Variants in FAF1 observed in about 807,000 individuals in gnomAD.
FAF1 encodes the protein FAS-associated factor 1.
Under a neutral mutation model 92.5 loss-of-function variants are expected in FAF1, and 25 were observed. That is an observed-to-expected ratio of 0.27 (90% CI 0.20 to 0.38). The LOEUF is 0.38. Ranked by LOEUF, FAF1 falls within the 10% of genes least tolerant of loss-of-function variation. The pLI is 1.00. For missense variants in FAF1, 636 were observed against 793.3 expected, an observed-to-expected ratio of 0.80 and a Z score of 2.38; for synonymous variants, 234 against 273.2, an observed-to-expected ratio of 0.86 and a Z score of 1.42.
intron 2 of FAF1, among the ~76,000 whole-genome samples, chr1:50,820,813 G>C (rs1222755018): frequency 6.6e-6 from 1 of 151,830 alleles, no homozygotes; most frequent in Non-Finnish European, 1.5e-5. Flanking sequence ...TTTTGTATTT[G>C]GCAGGATTTC....
chr1:50,523,817 T>C lies in FAF1; in HGVS notation c.1494+11552A>G, dbSNP rs533257473. Among the ~76,000 whole-genome samples, 268 of 152,316 alleles carry C rather than the reference T, an allele frequency of 1.8e-3. 2 individuals are homozygous for C. Among genetic ancestry groups the C allele is most frequent in the African/African-American group, 6.0e-3 (250 of 41,568 alleles). On this transcript the variant is annotated intron_variant, in intron 15 of 18. Transcript: ENST00000396153. ...TTGATGGGCATTTAGGTTGATTCCATGTCTTTGCTATTGTGAACAGTGTTG... is the reference window on the plus strand; with the variant it reads ...TTGATGGGCATTTAGGTTGATTCCACGTCTTTGCTATTGTGAACAGTGTTG...
intron 9 of FAF1, among the ~76,000 whole-genome samples, chr1:50,588,230 T>TA (rs1651335331): frequency 6.6e-6 from 1 of 152,222 alleles, no homozygotes; most frequent in Non-Finnish European, 1.5e-5. Flanking sequence ...GAAGTTGCAG[T>TA]ACGTGCCACT....
chr1:50,590,316 A>G (rs967217103), intron 9 of FAF1, among the ~76,000 whole-genome samples: 1 of 152,060 alleles, frequency 6.6e-6, no homozygotes, highest in African/African-American at 2.4e-5. Context: ...ATCTTCTTTA[A>G]TTTTTCAGCA....
chr1:50,477,911 C>A (rs899887804), intron 17 of FAF1, among the ~76,000 whole-genome samples: 1 of 152,170 alleles, frequency 6.6e-6, no homozygotes, highest in Non-Finnish European at 1.5e-5. Context: ...ATTGTAGGCA[C>A]GTACTAGGTG....
At chr1:50,687,369 A>C (rs1237637395) in intron 7 of FAF1, among the ~76,000 whole-genome samples, 3 of 151,970 alleles carry the variant, frequency 2.0e-5, no homozygotes, top group Admixed American at 2.0e-4. Flanking sequence ...AAAAAAAAAA[A>C]AAAACCCAAC....
intron 17 of FAF1, among the ~76,000 whole-genome samples, chr1:50,476,343 C>A (rs1349275331): frequency 6.6e-6 from 1 of 152,110 alleles, no homozygotes; most frequent in Non-Finnish European, 1.5e-5. Flanking sequence ...AGAAGGAGAC[C>A]ACAGTCCTAG....
chr1:50,607,604 G>A (rs1302968835), intron 8 of FAF1, among the ~76,000 whole-genome samples: 1 of 152,034 alleles, frequency 6.6e-6, no homozygotes, highest in Non-Finnish European at 1.5e-5. Context: ...TTTTCCATCT[G>A]TCTATTTCTT....
At chr1:50,750,051 A>T (rs1285500603) in intron 4 of FAF1, among the ~76,000 whole-genome samples, 1 of 152,122 alleles carries the variant, frequency 6.6e-6, no homozygotes, top group Non-Finnish European at 1.5e-5. Flanking sequence ...AAAACACAGG[A>T]GTTACTGTTT....
intron 3 of FAF1, among the ~76,000 whole-genome samples, chr1:50,793,872 AAGTCT>A (rs2124581717): frequency 6.6e-6 from 1 of 152,342 alleles, no homozygotes; most frequent in East Asian, 1.9e-4. Flanking sequence ...CCTAATCCAT[AAGTCT>A]GAAATCTGAA....
At chr1:50,787,626 T>C (rs1429109159) in intron 4 of FAF1, among the ~76,000 whole-genome samples, 12 of 152,210 alleles carry the variant, frequency 7.9e-5, no homozygotes, top group Admixed American at 7.9e-4. Flanking sequence ...GTCTCAGGTA[T>C]TGTTATAGCA....
At chr1:50,518,945 C>T (rs1335637154) in intron 15 of FAF1, among the ~76,000 whole-genome samples, 1 of 152,090 alleles carries the variant, frequency 6.6e-6, no homozygotes, top group African/African-American at 2.4e-5. Flanking sequence ...CAAAGCTGTG[C>T]AAAGCTGTGA....
At chr1:50,474,044 GAGT>G (rs1301768416) in intron 18 of FAF1, among the ~76,000 whole-genome samples, 1 of 152,178 alleles carries the variant, frequency 6.6e-6, no homozygotes. Context: ...TTACTGAAAA[GAGT>G]AGTATTTGGT....
At chr1:50,738,443 CAAAAAA>C (rs533056212) in intron 6 of FAF1, among the ~76,000 whole-genome samples, 1 of 79,078 alleles carries the variant, frequency 1.3e-5, no homozygotes, top group East Asian at 5.4e-4. Context: ...AACTCCGTCG[CAAAAAA>C]AAAAAAAAAA....
At chr1:50,452,452 T>C (rs1347284515) in intron 18 of FAF1, among the ~76,000 whole-genome samples, 1 of 152,214 alleles carries the variant, frequency 6.6e-6, no homozygotes, top group Non-Finnish European at 1.5e-5. Context: ...AGCAGCCTAG[T>C]ATGGTTCTCC....
chr1:50,938,970 C>T (rs754177634), intron 1 of FAF1, among the ~76,000 whole-genome samples: 5 of 152,152 alleles, frequency 3.3e-5, no homozygotes, highest in African/African-American at 4.8e-5. Flanking sequence ...TCTCTATAGC[C>T]TTATAGTATA....
intron 17 of FAF1, among the ~76,000 whole-genome samples, chr1:50,477,956 C>T (rs1170406156): frequency 6.6e-6 from 1 of 152,176 alleles, no homozygotes; most frequent in Non-Finnish European, 1.5e-5. Flanking sequence ...AATCTCATAG[C>T]CTCTACTTCT....
intron 4 of FAF1, among the ~76,000 whole-genome samples, chr1:50,769,045 TA>T (rs141978084): frequency 4.1e-5 from 6 of 144,642 alleles, no homozygotes; most frequent in African/African-American, 5.1e-5. Flanking sequence ...TAAGTAGACT[TA>T]AAAAAAAAAC....
intron 7 of FAF1, among the ~76,000 whole-genome samples, chr1:50,704,066 T>C (rs545929587): frequency 4.6e-5 from 7 of 152,352 alleles, no homozygotes; most frequent in Admixed American, 1.3e-4. Context: ...AATCTCCCTG[T>C]TTAATTTAAA....
rs57281556 is a variant in FAF1 at position 50,718,532 on chromosome 1, CAT to C, written c.552-12643_552-12642del. On this transcript the variant is annotated intron_variant, in intron 6 of 18. Coordinates refer to ENST00000396153, the MANE Select transcript of FAF1 (RefSeq NM_007051.3). ...AATCTCATTTCATTCCTGTTATGTG[CAT>C]ATGTTATTTCTTTTCTTGCACTGTA... Among the ~76,000 whole-genome samples the C allele has an allele frequency of 6.5e-3, 985 of 152,254 alleles. 19 individuals carry two copies. The highest frequency in any genetic ancestry group is 0.023 in the African/African-American group (940 of 41,558).
Sources: allele counts gnomAD v4.1 joint callset (sites outside exome capture counted in the v4.1 genomes callset), GRCh38; gene constraint gnomAD v4.1.1; transcripts MANE v1.5; gene names NCBI Gene and HGNC (gene_info 2026-07-23, HGNC 2026-07-21).